The following LYPD6B variants were observed in gnomAD, a reference collection of about 807,000 sequenced individuals.
The protein encoded by LYPD6B is LY6/PLAUR domain containing 6B.
LYPD6B carries 17 observed loss-of-function variants against 22.8 expected under a neutral mutation model. The observed-to-expected ratio is 0.75, with a 90% confidence interval of 0.51 to 1.12. The LOEUF (loss-of-function observed/expected upper bound fraction) is 1.12, where lower values mean the gene tolerates loss of function less well. Among genes scored for constraint, LYPD6B ranks in the 50% most tolerant of loss-of-function variants. The pLI is 0.00. For synonymous variants in LYPD6B, 106 were observed against 91.6 expected, an observed-to-expected ratio of 1.16 and a Z score of -0.90; for missense variants, 221 against 258.3, an observed-to-expected ratio of 0.86 and a Z score of 0.99.
At chr2:149,167,054 G>GTT (rs113768121) in intron 3 of LYPD6B, among the ~76,000 whole-genome samples, 9 of 145,038 alleles carry the variant, frequency 6.2e-5, no homozygotes, top group East Asian at 2.0e-4. Flanking sequence ...TGCATTAAGT[G>GTT]TTTTTTTTTT....
At chr2:149,162,739 T>C (rs1690159210) in intron 3 of LYPD6B, among the ~76,000 whole-genome samples, 1 of 152,160 alleles carries the variant, frequency 6.6e-6, no homozygotes, top group Non-Finnish European at 1.5e-5. Flanking sequence ...GTTTTCCCCT[T>C]TGTATTTACT....
chr2:149,151,845 A>G (rs1689399060), intron 2 of LYPD6B, among the ~76,000 whole-genome samples: 1 of 152,130 alleles, frequency 6.6e-6, no homozygotes, highest in African/African-American at 2.4e-5. Flanking sequence ...CTCAGCTCCA[A>G]AGCCTTCCAT....
chr2:149,180,564 CAG>C (rs1029950409), intron 3 of LYPD6B, among the ~76,000 whole-genome samples: 3 of 152,190 alleles, frequency 2.0e-5, no homozygotes, highest in African/African-American at 7.2e-5. Context: ...ATGAATGAGT[CAG>C]AGGAAGTATT....
intron 1 of LYPD6B, among the ~76,000 whole-genome samples, chr2:149,104,107 ACTAT>A (rs1686350977): frequency 6.6e-6 from 1 of 151,958 alleles, no homozygotes; most frequent in Non-Finnish European, 1.5e-5. Context: ...CTGCTGAATA[ACTAT>A]CCATTGTATC....
intron 3 of LYPD6B, among the ~76,000 whole-genome samples, chr2:149,196,530 A>T (rs1692819485): frequency 6.6e-6 from 1 of 152,248 alleles, no homozygotes; most frequent in Admixed American, 6.5e-5. Flanking sequence ...GTAAAAAGAC[A>T]GGACAGATGC....
intron 1 of LYPD6B, among the ~76,000 whole-genome samples, chr2:149,120,926 G>A (rs1687311539): frequency 1.3e-5 from 2 of 150,860 alleles, no homozygotes; most frequent in Admixed American, 1.3e-4. Context: ...CAAGTAACTG[G>A]GACTACAGGT....
chr2:149,186,452 T>G (rs553297738), intron 3 of LYPD6B, among the ~76,000 whole-genome samples: 1 of 152,036 alleles, frequency 6.6e-6, no homozygotes, highest in Admixed American at 6.5e-5. Flanking sequence ...CTAGCAGAGG[T>G]GGGTTCATGA....
intron 3 of LYPD6B, chr2:149,187,780 A>G (rs1055173693): frequency 7.4e-6 from 3 of 404,774 alleles, no homozygotes; most frequent in Non-Finnish European, 1.3e-5. Context: ...GTTTTAAGAA[A>G]GTTTACAAAA....
chr2:149,191,815 A>G (rs1692514154), intron 3 of LYPD6B, among the ~76,000 whole-genome samples: 1 of 152,218 alleles, frequency 6.6e-6, no homozygotes, highest in African/African-American at 2.4e-5. Flanking sequence ...CTGCTATTAT[A>G]TAGTTATATA....
intron 3 of LYPD6B, among the ~76,000 whole-genome samples, chr2:149,182,209 C>CT (rs745537170): frequency 5.3e-4 from 81 of 152,266 alleles, no homozygotes; most frequent in Non-Finnish European, 1.6e-4. Context: ...TAATCATTTT[C>CT]TGTACCCTAT....
chr2:149,045,487 G>A (rs1327895416), intron 1 of LYPD6B, among the ~76,000 whole-genome samples: 2 of 151,746 alleles, frequency 1.3e-5, no homozygotes, highest in South Asian at 2.1e-4. Context: ...ATTTTTTAAG[G>A]GATAAGCTTA....
intron 2 of LYPD6B, among the ~76,000 whole-genome samples, chr2:149,152,285 G>A (rs190126333): frequency 6.6e-6 from 1 of 152,232 alleles, no homozygotes; most frequent in Admixed American, 6.5e-5. Context: ...ATATTTATGA[G>A]TACATGTCAT....
intron 3 of LYPD6B, among the ~76,000 whole-genome samples, chr2:149,191,193 T>C (rs1218058287): frequency 3.9e-5 from 6 of 152,204 alleles, no homozygotes; most frequent in Non-Finnish European, 7.4e-5. Context: ...ATTTTCTTCA[T>C]AAGTGCATCT....
At chr2:149,078,945 T>G (rs1330120888) in intron 1 of LYPD6B, among the ~76,000 whole-genome samples, 1 of 151,470 alleles carries the variant, frequency 6.6e-6, no homozygotes, top group East Asian at 1.9e-4. Flanking sequence ...GGTTTGAGGA[T>G]GCAGTGAGCT....
At chr2:149,135,206 C>T (rs1688282143) in intron 2 of LYPD6B, among the ~76,000 whole-genome samples, 1 of 150,584 alleles carries the variant, frequency 6.6e-6, no homozygotes, top group Non-Finnish European at 1.5e-5. Context: ...GATTGTTCCA[C>T]TGCTCTCCAG....
chr2:149,111,491 G>C (rs1477371175), intron 1 of LYPD6B, among the ~76,000 whole-genome samples: 1 of 152,010 alleles, frequency 6.6e-6, no homozygotes, highest in East Asian at 1.9e-4. Flanking sequence ...TGGGGAGAGA[G>C]AGCTTAAGAG....
chr2:149,051,518 C>T (rs189837799), intron 1 of LYPD6B, among the ~76,000 whole-genome samples: 140 of 152,214 alleles, frequency 9.2e-4, no homozygotes, highest in African/African-American at 3.2e-3. Context: ...ATATCTGTTG[C>T]TATACTTTCA....
intron 3 of LYPD6B, among the ~76,000 whole-genome samples, chr2:149,163,446 A>G (rs1434300752): frequency 6.6e-6 from 1 of 152,186 alleles, no homozygotes; most frequent in Non-Finnish European, 1.5e-5. Flanking sequence ...AACAAACAGA[A>G]GAACAAACAA....
intron 1 of LYPD6B, among the ~76,000 whole-genome samples, chr2:149,117,633 G>T (rs1268258888): frequency 1.3e-5 from 2 of 152,038 alleles, no homozygotes; most frequent in African/African-American, 4.8e-5. Flanking sequence ...GTATATTAAG[G>T]CCACTTTCCT....
Sources: gnomAD v4.1 joint callset for allele counts (sites outside exome capture counted in the v4.1 genomes callset) on GRCh38, gnomAD v4.1.1 for gene constraint, MANE v1.5 for transcripts, NCBI Gene and HGNC (gene_info 2026-07-23, HGNC 2026-07-21) for gene names.